Variants in GRB2 observed in about 807,000 individuals in gnomAD.
The protein encoded by GRB2 is growth factor receptor-bound protein 2.
A neutral mutation model predicts 27.4 loss-of-function variants in GRB2; 2 were observed. The ratio of observed to expected loss-of-function variants is 0.07; its 90% confidence interval spans 0.03 to 0.23. The LOEUF is 0.23. Among genes scored for constraint, GRB2 ranks in the 10% least tolerant of loss-of-function variants. The pLI, the probability that GRB2 is intolerant of heterozygous loss-of-function variation, is 1.00. For synonymous variants in GRB2, 94 were observed against 99.6 expected (o/e 0.94, Z 0.33); for missense variants, 102 against 282.4 (o/e 0.36, Z 4.58).
intron 1 of GRB2, among the ~76,000 whole-genome samples, chr17:75,404,242 C>T (rs1402628644): frequency 6.6e-6 from 1 of 151,994 alleles, no homozygotes; most frequent in Non-Finnish European, 1.5e-5. Context: ...AAGCAAACCA[C>T]ACTTGCGACC....
At chr17:75,355,608 T>TAA (rs772895105) in intron 2 of GRB2, among the ~76,000 whole-genome samples, 6 of 125,154 alleles carry the variant, frequency 4.8e-5, no homozygotes, top group East Asian at 2.2e-4. Flanking sequence ...CTGATGAGCT[T>TAA]AAAAAAAAAA....
chr17:75,333,635 C>G (rs2078556146), intron 2 of GRB2, among the ~76,000 whole-genome samples: 1 of 152,126 alleles, frequency 6.6e-6, no homozygotes, highest in Admixed American at 6.5e-5. Context: ...AAGTACGGGT[C>G]ACCCACCAAA....
chr17:75,376,316 G>C (rs1185595097), intron 2 of GRB2, among the ~76,000 whole-genome samples: 2 of 136,686 alleles, frequency 1.5e-5, no homozygotes, highest in Non-Finnish European at 3.1e-5. Flanking sequence ...CTGCACTCCA[G>C]CCTGGGTGAC....
intron 2 of GRB2, among the ~76,000 whole-genome samples, chr17:75,384,230 T>G (rs2078948140): frequency 1.3e-5 from 2 of 152,228 alleles, no homozygotes; most frequent in African/African-American, 2.4e-5. Flanking sequence ...AACTTCAGCC[T>G]AAGATTTAAA....
At chr17:75,353,962 C>T (rs2078711244) in intron 2 of GRB2, among the ~76,000 whole-genome samples, 2 of 151,648 alleles carry the variant, frequency 1.3e-5, no homozygotes, top group South Asian at 2.1e-4. Context: ...ATTGCTTGGA[C>T]CCGGGAGGCG....
chr17:75,390,298 A>G (rs1458478547), intron 2 of GRB2, among the ~76,000 whole-genome samples: 1 of 152,208 alleles, frequency 6.6e-6, no homozygotes, highest in Non-Finnish European at 1.5e-5. Flanking sequence ...CTTAATTCCT[A>G]TAAGCACAGT....
At chr17:75,351,061 G>A (rs1273928605) in intron 2 of GRB2, among the ~76,000 whole-genome samples, 2 of 152,166 alleles carry the variant, frequency 1.3e-5, no homozygotes, top group East Asian at 3.9e-4. Flanking sequence ...ACACGGCTCT[G>A]AGGGGACAAA....
intron 2 of GRB2, among the ~76,000 whole-genome samples, chr17:75,375,199 A>G (rs1207273026): frequency 3.9e-5 from 6 of 152,106 alleles, no homozygotes; most frequent in Non-Finnish European, 8.8e-5. Flanking sequence ...TGAGCCAGCT[A>G]GCCTGATCTA....
At chr17:75,400,879 T>A (rs1321664819) in intron 1 of GRB2, among the ~76,000 whole-genome samples, 1 of 152,120 alleles carries the variant, frequency 6.6e-6, no homozygotes, top group Admixed American at 6.6e-5. Context: ...AAATACAATG[T>A]GCAACATACA....
At chr17:75,357,388 C>T (rs1009074877) in intron 2 of GRB2, among the ~76,000 whole-genome samples, 139 of 152,198 alleles carry the variant, frequency 9.1e-4, no homozygotes, top group African/African-American at 3.2e-3. Flanking sequence ...AATAACGTAT[C>T]AATATTGGCT....
chr17:75,377,325 T>C (rs560554249), intron 2 of GRB2, among the ~76,000 whole-genome samples: 70 of 151,918 alleles, frequency 4.6e-4, no homozygotes, highest in African/African-American at 1.6e-3. Flanking sequence ...CCATGTTTAT[T>C]GCAAACAAAA....
In GRB2 at chr17:75,319,374, A is replaced by G. The variant is rs1257289614; in HGVS notation, c.*994T>C. ...CCCTTGAAATAAGGAAAAAGGCACT[A>G]TGAAAAAACAACATGCTCGATAATC... On this transcript the variant is annotated 3_prime_UTR_variant, in exon 6 of 6. Coordinates refer to ENST00000316804, the MANE Select transcript of GRB2 (RefSeq NM_002086.5). 1 of 151,732 alleles carries G rather than the reference A, an allele frequency of 6.6e-6. No individual in the cohort carries two copies. The highest frequency in any genetic ancestry group is 2.1e-4 in the South Asian group (1 of 4,816). 9.4% of individuals were successfully genotyped at this position (151,732 alleles called of 1,614,324 possible).
At chr17:75,346,827 T>A (rs1169137511) in intron 2 of GRB2, among the ~76,000 whole-genome samples, 1 of 152,046 alleles carries the variant, frequency 6.6e-6, no homozygotes, top group Non-Finnish European at 1.5e-5. Context: ...CCTCTCAAAG[T>A]GCTGGGATTA....
At chr17:75,325,221 A>C (rs959353592) in intron 4 of GRB2, among the ~76,000 whole-genome samples, 18 of 152,098 alleles carry the variant, frequency 1.2e-4, no homozygotes, top group African/African-American at 4.3e-4. Context: ...GATCTGCCGG[A>C]CTCCTGGGGA....
At chr17:75,323,659 A>C (rs901126376) in intron 4 of GRB2, among the ~76,000 whole-genome samples, 2 of 152,164 alleles carry the variant, frequency 1.3e-5, no homozygotes, top group African/African-American at 4.8e-5. Context: ...GCAAACAGGC[A>C]GCGTCCAGCC....
At chr17:75,378,383 AAAAC>A (rs10669345) in intron 2 of GRB2, among the ~76,000 whole-genome samples, 6 of 151,452 alleles carry the variant, frequency 4.0e-5, no homozygotes, top group Non-Finnish European at 8.8e-5. Context: ...ACTGTCTCAA[AAAAC>A]AAACAAACAA....
intron 5 of GRB2, 151 bp downstream of exon 5, chr17:75,321,508 G>T: frequency 1.5e-6 from 1 of 671,642 alleles, no homozygotes; most frequent in South Asian, 1.8e-5. Context: ...TGAATGGAGG[G>T]TAACATTTTC....
At chr17:75,353,867 C>T (rs1361700386) in intron 2 of GRB2, among the ~76,000 whole-genome samples, 2 of 151,688 alleles carry the variant, frequency 1.3e-5, no homozygotes, top group East Asian at 1.9e-4. Flanking sequence ...GGAGAAACTC[C>T]GTCTCTACTA....
Position 75,340,576 on chromosome 17 carries a change from C to T in GRB2, c.79-7779G>A, listed in dbSNP as rs1598225815. 6.6e-5 allele frequency among the ~76,000 whole-genome samples: 10 copies of T among 152,188 alleles called. 2 individuals are homozygous for T. The highest frequency in any genetic ancestry group is 6.5e-4 in the Admixed American group (10 of 15,280). On this transcript the variant is annotated intron_variant, in intron 2 of 5. Transcript: ENST00000316804. The stretch of plus-strand genomic sequence containing the variant: ...GCCCCTAAGAATAAATTCTAAGGGC[C>T]CTGGCTAGGGTAACAGTAATGGGAG...
Sources: gnomAD v4.1 joint callset for allele counts (sites outside exome capture counted in the v4.1 genomes callset) on GRCh38, gnomAD v4.1.1 for gene constraint, MANE v1.5 for transcripts, NCBI Gene and HGNC (gene_info 2026-07-23, HGNC 2026-07-21) for gene names.